SGCD: variants seen among roughly 807,000 people sequenced by gnomAD.
The protein encoded by SGCD is delta-sarcoglycan.
Under a neutral mutation model 36.6 loss-of-function variants are expected in SGCD, and 18 were observed. The ratio of observed to expected loss-of-function variants is 0.49; its 90% confidence interval spans 0.34 to 0.73. The LOEUF (loss-of-function observed/expected upper bound fraction) is 0.73. Ranked by LOEUF, SGCD falls within the 30% of genes least tolerant of loss-of-function variation. The pLI, the probability that SGCD is intolerant of heterozygous loss-of-function variation, is 0.01. For synonymous variants in SGCD, 133 were observed against 130.6 expected, an observed-to-expected ratio of 1.02 and a Z score of -0.12; for missense variants, 387 against 346.7, an observed-to-expected ratio of 1.12 and a Z score of -0.92.
In SGCD at chr5:156,329,553, G is replaced by A; in HGVS notation, c.-24G>A. 1 of 1,613,224 alleles carries A rather than the reference G, an allele frequency of 6.2e-7. No individual in the cohort carries two copies. Among genetic ancestry groups the A allele is most frequent in the Non-Finnish European group, 8.5e-7 (1 of 1,179,240 alleles). On this transcript the variant is annotated 5_prime_UTR_variant, in exon 2 of 9. Transcript: ENST00000337851. ...TTGCAGAGACATTACTGCCGGGAGTGTTGAGTGAAGGGACCAGGTGGAGAT... is the reference window on the plus strand; with the variant it reads ...TTGCAGAGACATTACTGCCGGGAGTATTGAGTGAAGGGACCAGGTGGAGAT...
chr5:156,154,228 C>A (rs1020366505), intron 3 of SGCD, among the ~76,000 whole-genome samples: 1 of 151,588 alleles, frequency 6.6e-6, no homozygotes. Flanking sequence ...CACTTTCTTT[C>A]CTCCCAAGGA....
At chr5:156,111,551 C>T (rs942564058) in intron 1 of SGCD, among the ~76,000 whole-genome samples, 17 of 152,104 alleles carry the variant, frequency 1.1e-4, no homozygotes. Context: ...ATAATGCAGA[C>T]AAGGGGATGT....
intron 6 of SGCD, among the ~76,000 whole-genome samples, chr5:156,609,080 T>C (rs898761722): frequency 3.9e-5 from 6 of 152,178 alleles, no homozygotes; most frequent in Non-Finnish European, 8.8e-5. Flanking sequence ...AATTTGATCC[T>C]GTCATGATGA....
intron 3 of SGCD, among the ~76,000 whole-genome samples, chr5:156,487,255 A>C (rs1755717233): frequency 6.6e-6 from 1 of 152,186 alleles, no homozygotes; most frequent in Admixed American, 6.5e-5. Flanking sequence ...TTCTAATTAA[A>C]ACTGAAGAAA....
chr5:156,275,801 A>T (rs1766305210), intron 3 of SGCD, among the ~76,000 whole-genome samples: 1 of 152,160 alleles, frequency 6.6e-6, no homozygotes, highest in Non-Finnish European at 1.5e-5. Flanking sequence ...TTGAGGGGCC[A>T]TATTGGTTCA....
At chr5:156,414,355 G>A (rs529344617) in intron 3 of SGCD, among the ~76,000 whole-genome samples, 4 of 152,046 alleles carry the variant, frequency 2.6e-5, no homozygotes, top group African/African-American at 4.8e-5. Flanking sequence ...ATTGGATATC[G>A]GTTAAATTAC....
At chr5:156,053,806 T>G (rs970920435) in intron 1 of SGCD, among the ~76,000 whole-genome samples, 1 of 146,512 alleles carries the variant, frequency 6.8e-6, no homozygotes, top group African/African-American at 2.5e-5. Context: ...CTCACAGTTA[T>G]GGGGCCTGCA....
At chr5:155,925,243 C>A (rs1445752431) in intron 1 of SGCD, among the ~76,000 whole-genome samples, 3 of 152,138 alleles carry the variant, frequency 2.0e-5, no homozygotes, top group Non-Finnish European at 4.4e-5. Flanking sequence ...GAACTTGCTG[C>A]TGAATTTCCT....
rs565771152 is a variant in SGCD at position 156,580,280 on chromosome 5, T to A, written c.295-8951T>A. On this transcript the variant is annotated intron_variant, in intron 4 of 8. Transcript: ENST00000337851. ...GGCTTGCAGATCTTCTGCTGAGAGA[T>A]CCTCTGTTAGTCTGTTGGGCTTCCC... Among the ~76,000 whole-genome samples, 97 of 152,348 alleles carry A rather than the reference T, an allele frequency of 6.4e-4. 2 individuals carry two copies. The South Asian group carries it at 0.019, about 31-fold the overall frequency.
chr5:156,058,830 G>T (rs1235340115), intron 1 of SGCD, among the ~76,000 whole-genome samples: 2 of 145,698 alleles, frequency 1.4e-5, no homozygotes, highest in African/African-American at 4.9e-5. Flanking sequence ...CTGGAGAAAG[G>T]GGAAACTGTG....
At chr5:156,193,637 G>C (rs189094394) in intron 3 of SGCD, among the ~76,000 whole-genome samples, 4 of 152,248 alleles carry the variant, frequency 2.6e-5, no homozygotes, top group Admixed American at 2.0e-4. Flanking sequence ...CTTGTTACAG[G>C]ATTCTCCTTT....
intron 1 of SGCD, among the ~76,000 whole-genome samples, chr5:155,998,856 T>C (rs934547214): frequency 2.6e-5 from 4 of 152,222 alleles, no homozygotes; most frequent in Admixed American, 1.3e-4. Flanking sequence ...GAACTGGACA[T>C]ATTACAGACA....
chr5:156,204,856 C>T (rs1389712495), intron 3 of SGCD, among the ~76,000 whole-genome samples: 1 of 151,886 alleles, frequency 6.6e-6, no homozygotes, highest in African/African-American at 2.4e-5. Context: ...GCTTATAATT[C>T]GAGTGTAAAC....
At chr5:156,486,414 C>A (rs192183415) in intron 3 of SGCD, among the ~76,000 whole-genome samples, 154 of 152,270 alleles carry the variant, frequency 1.0e-3, no homozygotes, top group Non-Finnish European at 1.9e-3. Flanking sequence ...CTGCCTCCTG[C>A]AGTAGCAGAG....
In SGCD at chr5:156,516,147, A is replaced by G. The variant is rs1210689083; in HGVS notation, c.294+7445A>G. On this transcript the variant is annotated intron_variant, in intron 4 of 8. Coordinates refer to ENST00000337851, the MANE Select transcript of SGCD (RefSeq NM_000337.6). ...AGGGGGATTCCCCTGAGCACAAAACACCCGCTCTGCCAAAGGGCAGCCAGA... is the reference window on the plus strand; with the variant it reads ...AGGGGGATTCCCCTGAGCACAAAACGCCCGCTCTGCCAAAGGGCAGCCAGA... Among the ~76,000 whole-genome samples, 3 of 152,128 alleles carry G rather than the reference A, an allele frequency of 2.0e-5. 1 individual carries two copies. In the East Asian group the frequency reaches 5.8e-4, roughly 29 times the overall value.
intron 3 of SGCD, among the ~76,000 whole-genome samples, chr5:156,457,914 G>A (rs1048417025): frequency 6.6e-6 from 1 of 152,126 alleles, no homozygotes; most frequent in Admixed American, 6.6e-5. Context: ...CTATAACCTA[G>A]CTGAGTGACT....
intron 3 of SGCD, among the ~76,000 whole-genome samples, chr5:156,193,811 G>A (rs974769880): frequency 3.3e-5 from 5 of 152,148 alleles, no homozygotes; most frequent in African/African-American, 7.2e-5. Context: ...ATGCATGTGC[G>A]TAGATTTTCA....
chr5:155,862,201 G>A, the SGCD span, among the ~76,000 whole-genome samples: 1 of 151,880 alleles, frequency 6.6e-6, no homozygotes, highest in Non-Finnish European at 1.5e-5. Flanking sequence ...TTTTATTTTT[G>A]AGACAATATT....
chr5:156,105,109 A>G (rs1216535404), intron 1 of SGCD, among the ~76,000 whole-genome samples: 1 of 152,248 alleles, frequency 6.6e-6, no homozygotes, highest in Non-Finnish European at 1.5e-5. Flanking sequence ...ACAAACCTGC[A>G]CGTTGTGCAC....
Sources: allele counts gnomAD v4.1 joint callset (sites outside exome capture counted in the v4.1 genomes callset), GRCh38; gene constraint gnomAD v4.1.1; transcripts MANE v1.5; gene names NCBI Gene and HGNC (gene_info 2026-07-23, HGNC 2026-07-21).